PRRC1: variants seen among roughly 807,000 people sequenced by gnomAD.
The protein encoded by PRRC1 is protein PRRC1.
In PRRC1, 39 loss-of-function variants were observed where a neutral mutation model predicts 40.7. That is an observed-to-expected ratio of 0.96 (90% CI 0.74 to 1.25). The LOEUF (loss-of-function observed/expected upper bound fraction) is 1.25, where lower values mean the gene tolerates loss of function less well. PRRC1 is among the 50% of genes most tolerant of loss of function. PRRC1 has a pLI of 0.00. For synonymous variants in PRRC1, 175 were observed against 193.3 expected, an observed-to-expected ratio of 0.91 and a Z score of 0.79; for missense variants, 573 against 548.3, an observed-to-expected ratio of 1.05 and a Z score of -0.45.
chr5:127,527,757 C>CAAAAAA (rs11395244), intron 4 of PRRC1, among the ~76,000 whole-genome samples: 1 of 80,258 alleles, frequency 1.2e-5, no homozygotes, highest in African/African-American at 4.3e-5. Flanking sequence ...GACACTGTCT[C>CAAAAAA]AAAAAAAAAA....
chr5:127,520,121 T>A (rs1767420598), intron 1 of PRRC1, among the ~76,000 whole-genome samples: 1 of 152,258 alleles, frequency 6.6e-6, no homozygotes, highest in Non-Finnish European at 1.5e-5. Context: ...AATTCTTGTG[T>A]GTAGGCTGTG....
Position 127,554,024 on chromosome 5 carries a change from C to T in PRRC1, c.*2108C>T. The T allele has an allele frequency of 6.7e-6, 6 of 899,298 alleles. No homozygotes were observed. Among genetic ancestry groups the T allele is most frequent in the Non-Finnish European group, 8.1e-6 (5 of 620,104 alleles). 55.7% of individuals were successfully genotyped at this position (899,298 alleles called of 1,614,324 possible). ...TTGAAAAGCAGCGGAGCATGACTGACTTCACATGCTCAGCTTTCTCAGCCT... is the reference window on the plus strand; with the variant it reads ...TTGAAAAGCAGCGGAGCATGACTGATTTCACATGCTCAGCTTTCTCAGCCT... On this transcript the variant is annotated 3_prime_UTR_variant, in exon 9 of 9. Transcript: ENST00000296666.
At chr5:127,540,821 T>G (rs897956870) in intron 7 of PRRC1, among the ~76,000 whole-genome samples, 2 of 152,060 alleles carry the variant, frequency 1.3e-5, no homozygotes, top group Non-Finnish European at 2.9e-5. Context: ...TTTGTTTGAG[T>G]TCATTGTGAT....
At chr5:127,543,192 A>C (rs1026940390) in intron 7 of PRRC1, among the ~76,000 whole-genome samples, 9 of 152,174 alleles carry the variant, frequency 5.9e-5, no homozygotes, top group African/African-American at 1.7e-4. Context: ...AGAATGTTGA[A>C]TATTGGCCCC....
At chr5:127,548,046 T>A in intron 8 of PRRC1, 125 bp downstream of exon 8, 1 of 748,064 alleles carries the variant, frequency 1.3e-6, no homozygotes, top group Admixed American at 2.1e-5. Flanking sequence ...TCATTTTTCT[T>A]TTAGTATTTT....
intron 7 of PRRC1, among the ~76,000 whole-genome samples, chr5:127,544,743 AT>A (rs1768163166): frequency 6.6e-6 from 1 of 152,124 alleles, no homozygotes; most frequent in Admixed American, 6.5e-5. Context: ...AAAGCACAGT[AT>A]TTGGGTGGGA....
At chr5:127,543,496 G>A (rs1463784909) in intron 7 of PRRC1, among the ~76,000 whole-genome samples, 8 of 152,030 alleles carry the variant, frequency 5.3e-5, no homozygotes, top group Admixed American at 2.0e-4. Flanking sequence ...TCTCCCCGTC[G>A]CTTTCAGGTA....
At position 127,553,039 on chromosome 5, in the gene PRRC1, ATTT is replaced by A. The variant is rs1322993440; in HGVS notation, c.*1128_*1130del. 1.4e-6 allele frequency: 1 copy of A among 734,322 alleles called. No individual in the cohort carries two copies. Among genetic ancestry groups the A allele is most frequent in the Admixed American group, 6.3e-5 (1 of 15,882 alleles). 45.5% of individuals were successfully genotyped at this position (734,322 alleles called of 1,614,324 possible). Reference sequence around the variant, plus strand: ...ACTTATATAAATGATAATTAAATAAATTTTTTTCTTAATACTGTTGGACTTTGT... The same window carrying A: ...ACTTATATAAATGATAATTAAATAAATTTTCTTAATACTGTTGGACTTTGT... On this transcript the variant is annotated 3_prime_UTR_variant, in exon 9 of 9. Coordinates refer to ENST00000296666, the MANE Select transcript of PRRC1 (RefSeq NM_130809.5).
At chr5:127,521,167 T>C (rs1443348756) in intron 1 of PRRC1, among the ~76,000 whole-genome samples, 1 of 152,154 alleles carries the variant, frequency 6.6e-6, no homozygotes, top group African/African-American at 2.4e-5. Flanking sequence ...CATTTTAAAG[T>C]TTAAATTCCT....
chr5:127,531,631 T>C (rs1767774933), intron 5 of PRRC1, among the ~76,000 whole-genome samples: 1 of 140,128 alleles, frequency 7.1e-6, no homozygotes, highest in African/African-American at 2.8e-5. Flanking sequence ...TTTTTTTTTT[T>C]TTTTTTTTTG....
At chr5:127,536,648 A>C (rs1009759113) in intron 6 of PRRC1, among the ~76,000 whole-genome samples, 1 of 152,102 alleles carries the variant, frequency 6.6e-6, no homozygotes, top group African/African-American at 2.4e-5. Flanking sequence ...GAAGCATTGT[A>C]TAAATGTGAT....
intron 4 of PRRC1, among the ~76,000 whole-genome samples, chr5:127,528,440 A>G (rs555935972): frequency 6.6e-6 from 1 of 151,838 alleles, no homozygotes; most frequent in African/African-American, 2.4e-5. Context: ...TCAGCCTCCC[A>G]AGTAGCTGGG....
chr5:127,523,646 C>CA, intron 2 of PRRC1, 64 bp downstream of exon 2: 1 of 957,762 alleles, frequency 1.0e-6, no homozygotes, highest in South Asian at 2.0e-5. Context: ...CATCTTTTCT[C>CA]AGAGTCAATT....
chr5:127,537,990 C>T (rs1378888721), intron 6 of PRRC1, among the ~76,000 whole-genome samples: 1 of 151,666 alleles, frequency 6.6e-6, no homozygotes, highest in Non-Finnish European at 1.5e-5. Context: ...TTTCTTTGTT[C>T]AGTTTTTTAT....
At chr5:127,539,879 G>T (rs909107176) in intron 7 of PRRC1, among the ~76,000 whole-genome samples, 1 of 152,026 alleles carries the variant, frequency 6.6e-6, no homozygotes, top group African/African-American at 2.4e-5. Context: ...ATTGTAAAAA[G>T]GAAACATAAT....
At position 127,545,790 on chromosome 5, in the gene PRRC1, A is replaced by G. The variant is rs139841531; in HGVS notation, c.1026-2029A>G. The stretch of plus-strand genomic sequence containing the variant: ...AACTTAAAGTATAATTTAAAAAAAA[A>G]AAGTCATCTCTCCATCTTCTTGTGT... On this transcript the variant is annotated intron_variant, in intron 7 of 8. Coordinates refer to ENST00000296666, the MANE Select transcript of PRRC1 (RefSeq NM_130809.5). 1.8e-3 allele frequency among the ~76,000 whole-genome samples: 279 copies of G among 152,194 alleles called. 4 individuals are homozygous for G. In the East Asian group the frequency reaches 0.04, roughly 22 times the overall value.
Position 127,553,243 on chromosome 5 carries a change from T to G in PRRC1, c.*1327T>G. On this transcript the variant is annotated 3_prime_UTR_variant, in exon 9 of 9. Transcript: ENST00000296666. ...GTCTTTAGGTATCATAGGTATCAGG[T>G]TTGCTTTGTGTTAATGCCACTTCAA... is the stretch of plus-strand genomic sequence containing the variant. 1 of 986,358 alleles carries G rather than the reference T, an allele frequency of 1.0e-6. No individual in the cohort carries two copies. The highest frequency in any genetic ancestry group is 1.2e-6 in the Non-Finnish European group (1 of 830,658). The allele number at this position is 986,358 out of a possible 1,614,324, so 61.1% of individuals were successfully genotyped here. A position where few individuals can be genotyped will look rare whatever the true frequency, so the allele number is the denominator to read the frequency against.
chr5:127,553,289 A>G lies in PRRC1; in HGVS notation c.*1373A>G, dbSNP rs1234355105. 1.9e-5 allele frequency: 19 copies of G among 986,472 alleles called. No individual in the cohort carries two copies. Among genetic ancestry groups the G allele is most frequent in the Non-Finnish European group, 2.2e-5 (18 of 830,896 alleles). The allele number at this position is 986,472 out of a possible 1,614,324, so 61.1% of individuals were successfully genotyped here. ...TTCAAGTCATTATTTGGTTTCTGCT[A>G]TTTTTTTACCTGAGGATAAGAAGAA... On this transcript the variant is annotated 3_prime_UTR_variant, in exon 9 of 9. Transcript: ENST00000296666.
At chr5:127,550,083 G>A (rs1430641442) in intron 8 of PRRC1, 1 of 151,674 alleles carries the variant, frequency 6.6e-6, no homozygotes, top group East Asian at 1.9e-4. Context: ...GTGTATGTGT[G>A]TGCTTTAAAA....
Sources: allele counts gnomAD v4.1 joint callset (sites outside exome capture counted in the v4.1 genomes callset), GRCh38; gene constraint gnomAD v4.1.1; transcripts MANE v1.5; gene names NCBI Gene and HGNC (gene_info 2026-07-23, HGNC 2026-07-21).